Variants in TRMT11 observed in about 807,000 individuals in gnomAD.
TRMT11 encodes tRNA (guanine(10)-N(2))-methyltransferase TRMT11.
TRMT11 carries 53 observed loss-of-function variants against 62.8 expected under a neutral mutation model. That is an observed-to-expected ratio of 0.84 (90% CI 0.68 to 1.06). The LOEUF (loss-of-function observed/expected upper bound fraction) is 1.06. Ranked by LOEUF, TRMT11 falls within the 50% of genes least tolerant of loss-of-function variation. The probability of loss-of-function intolerance (pLI) is 0.00; values close to 1 mark genes in which losing one functional copy is unlikely to be tolerated. For missense variants in TRMT11, 556 were observed against 553.4 expected, an observed-to-expected ratio of 1.00 and a Z score of -0.05; for synonymous variants, 188 against 190.3, an observed-to-expected ratio of 0.99 and a Z score of 0.10.
At chr6:126,011,450 G>A (rs1442928489) in intron 9 of TRMT11, 33 bp downstream of exon 9, 3 of 1,568,134 alleles carry the variant, frequency 1.9e-6, no homozygotes, top group East Asian at 2.3e-5. Flanking sequence ...GTAGGAGTAG[G>A]ATTCGTTTTG....
rs11967664 is a variant in TRMT11 at position 126,095,042 on chromosome 6, C to T, written c.*1438-17824C>T. 5.5e-3 allele frequency among the ~76,000 whole-genome samples: 837 copies of T among 152,234 alleles called. 7 individuals carry two copies. The highest frequency in any genetic ancestry group is 0.018 in the African/African-American group (764 of 41,530). ...TCATTGTTTTCATTCTACATTAAGA[C>T]GAACTATGAAACTCAGAGATTATTT... is the stretch of plus-strand genomic sequence containing the variant. On this transcript the variant is annotated intron_variant and NMD_transcript_variant, in intron 17 of 22. Coordinates refer to the TRMT11 transcript ENST00000648977.
At chr6:126,121,583 T>C (rs1777649947) in intron 21 of TRMT11, among the ~76,000 whole-genome samples, 2 of 152,240 alleles carry the variant, frequency 1.3e-5, no homozygotes, top group South Asian at 4.1e-4. Context: ...TCAAGTTTAG[T>C]TTCCTTACTT....
chr6:126,013,192 G>A lies in TRMT11; in HGVS notation c.1139+91G>A, dbSNP rs559078451. The A allele has an allele frequency of 2.0e-5, 23 of 1,171,012 alleles. 1 individual carries two copies. In the East Asian group the frequency reaches 4.8e-4, roughly 24 times the overall value. 72.5% of individuals were successfully genotyped at this position (1,171,012 alleles called of 1,614,324 possible). On this transcript the variant is annotated intron_variant, in intron 11 of 12. Coordinates refer to ENST00000334379, the MANE Select transcript of TRMT11 (RefSeq NM_001031712.3). ...TTCTCTTTATCTCTTCTTGCATTTG[G>A]TGCATCTTTATATTTAATTTGTAAT...
chr6:126,185,094 GAAGGTCAA>G (rs2128242932), intron 1 of TRMT11, among the ~76,000 whole-genome samples: 1 of 152,276 alleles, frequency 6.6e-6, no homozygotes, highest in East Asian at 1.9e-4. Context: ...TGTAGATCTT[GAAGGTCAA>G]GAGAAAGGAG....
At chr6:126,113,823 A>G (rs1777559216) in intron 18 of TRMT11, among the ~76,000 whole-genome samples, 1 of 152,158 alleles carries the variant, frequency 6.6e-6, no homozygotes, top group Admixed American at 6.6e-5. Context: ...CCCACCTCAC[A>G]CCTATTGAAT....
intron 17 of TRMT11, among the ~76,000 whole-genome samples, chr6:126,105,441 G>A (rs750021979): frequency 1.3e-5 from 2 of 152,144 alleles, no homozygotes; most frequent in Non-Finnish European, 2.9e-5. Flanking sequence ...CAGAAGGGAC[G>A]TGGGTTGATC....
chr6:126,100,594 T>C (rs1777387476), intron 17 of TRMT11, among the ~76,000 whole-genome samples: 1 of 152,200 alleles, frequency 6.6e-6, no homozygotes, highest in Non-Finnish European at 1.5e-5. Context: ...GGAATATGGC[T>C]AAGCCTTAAG....
chr6:125,998,316 G>A lies in TRMT11; in HGVS notation c.387+1G>A, dbSNP rs1177251875. 3 of 1,577,964 alleles carry A rather than the reference G, an allele frequency of 1.9e-6. No individual in the cohort carries two copies. The highest frequency in any genetic ancestry group is 8.7e-7 in the Non-Finnish European group (1 of 1,153,636). On this transcript the variant is annotated splice_donor_variant, in intron 5 of 12. Transcript: ENST00000334379. LOFTEE classifies it high-confidence loss of function. Reference sequence around the variant, plus strand: ...AGAAGAGAAAATCAAGCGAATAGATGTAAGTAAATTTAGCAAAACAAAAAA... The same window carrying A: ...AGAAGAGAAAATCAAGCGAATAGATATAAGTAAATTTAGCAAAACAAAAAA...
intron 17 of TRMT11, among the ~76,000 whole-genome samples, chr6:126,104,657 T>C (rs538834699): frequency 6.6e-6 from 1 of 152,374 alleles, no homozygotes; most frequent in African/African-American, 2.4e-5. Flanking sequence ...ATTTAGGTTC[T>C]AATTCCATAT....
At chr6:126,080,411 C>T (rs1357364953) in intron 17 of TRMT11, among the ~76,000 whole-genome samples, 2 of 151,974 alleles carry the variant, frequency 1.3e-5, no homozygotes, top group African/African-American at 2.4e-5. Flanking sequence ...GTTCTTACAG[C>T]CAAAAATCTG....
At chr6:126,154,695 G>C (rs1778097363) in intron 21 of TRMT11, among the ~76,000 whole-genome samples, 1 of 152,134 alleles carries the variant, frequency 6.6e-6, no homozygotes, top group African/African-American at 2.4e-5. Context: ...TTCCTCAGTG[G>C]CATCTGGGAA....
intron 16 of TRMT11, among the ~76,000 whole-genome samples, chr6:126,046,860 T>A (rs1776075556): frequency 6.6e-6 from 1 of 152,192 alleles, no homozygotes; most frequent in South Asian, 2.1e-4. Flanking sequence ...TGTTATATGC[T>A]TGAACTTTTC....
At chr6:126,264,552 G>A in the TRMT11 span, among the ~76,000 whole-genome samples, 2,012 of 152,296 alleles carry the variant, frequency 0.013, 33 homozygotes, top group South Asian at 0.044. Context: ...CAGATATTTG[G>A]TCAAGCATTA....
intron 21 of TRMT11, among the ~76,000 whole-genome samples, chr6:126,129,996 G>A (rs1777762839): frequency 6.6e-6 from 1 of 152,062 alleles, no homozygotes; most frequent in Admixed American, 6.6e-5. Flanking sequence ...GACACCTGGT[G>A]CATAGAGATG....
chr6:126,136,206 T>A (rs995593768), intron 21 of TRMT11, among the ~76,000 whole-genome samples: 19 of 151,766 alleles, frequency 1.3e-4, no homozygotes, highest in African/African-American at 4.6e-4. Context: ...TATTATTATT[T>A]TTTTTTGCAG....
At chr6:126,056,956 T>C (rs1419401022) in intron 17 of TRMT11, among the ~76,000 whole-genome samples, 1 of 152,180 alleles carries the variant, frequency 6.6e-6, no homozygotes, top group Non-Finnish European at 1.5e-5. Flanking sequence ...CCACTGAGGC[T>C]TTCTTGGTGC....
chr6:126,151,905 C>CTCCTTCTTTCTTTCTT (rs1778057926), intron 21 of TRMT11, among the ~76,000 whole-genome samples: 1 of 80,362 alleles, frequency 1.2e-5, no homozygotes, highest in Admixed American at 1.5e-4. Context: ...TCTTTCTTTT[C>CTCCTTCTTTCTTTCTT]TCTTTCTTTC....
chr6:125,991,518 G>C (rs546724369), intron 1 of TRMT11, among the ~76,000 whole-genome samples: 2 of 152,044 alleles, frequency 1.3e-5, no homozygotes, highest in Non-Finnish European at 2.9e-5. Flanking sequence ...TGTTGCCAGG[G>C]TTGGTCTCAG....
intron 8 of TRMT11, among the ~76,000 whole-genome samples, chr6:126,010,204 G>A (rs932507690): frequency 4.0e-5 from 6 of 151,744 alleles, no homozygotes; most frequent in African/African-American, 1.2e-4. Context: ...TGTTGAAAAC[G>A]CTAACAAAGG....
Sources: allele counts gnomAD v4.1 joint callset (sites outside exome capture counted in the v4.1 genomes callset), GRCh38; gene constraint gnomAD v4.1.1; transcripts MANE v1.5; gene names NCBI Gene and HGNC (gene_info 2026-07-23, HGNC 2026-07-21).